CPS1: variants seen among roughly 807,000 people sequenced by gnomAD.
The protein encoded by CPS1 is carbamoyl-phosphate synthase 1, also known as carbamoyl-phosphate synthase [ammonia], mitochondrial.
Under a neutral mutation model 174.6 loss-of-function variants are expected in CPS1, and 109 were observed. The ratio of observed to expected loss-of-function variants is 0.62; its 90% CI spans 0.53 to 0.73. CPS1 has a LOEUF of 0.73. Among genes scored for constraint, CPS1 ranks in the 30% least tolerant of loss-of-function variants. The pLI is 0.00. For missense variants in CPS1, 1,689 were observed against 1,821.9 expected (o/e 0.93, Z 1.33); for synonymous variants, 637 against 632.0 (o/e 1.01, Z -0.12).
intron 1 of CPS1, among the ~76,000 whole-genome samples, chr2:210,526,663 A>G (rs1451238317): frequency 5.9e-5 from 9 of 151,936 alleles, no homozygotes; most frequent in Non-Finnish European, 7.4e-5. Context: ...ATCTATCACA[A>G]GAGCCATAAA....
At chr2:210,556,209 T>A (rs1020572741), upstream of CPS1, among the ~76,000 whole-genome samples, 5 of 152,074 alleles carry the variant, frequency 3.3e-5, no homozygotes, top group Non-Finnish European at 7.4e-5. Flanking sequence ...TTACTTTTTG[T>A]AAAAAGAACA....
intron 21 of CPS1, among the ~76,000 whole-genome samples, chr2:210,624,950 G>GTA (rs1337627637): frequency 6.6e-6 from 1 of 151,922 alleles, no homozygotes; most frequent in Non-Finnish European, 1.5e-5. Context: ...CAGAATATGT[G>GTA]TATATATATC....
intron 6 of CPS1, among the ~76,000 whole-genome samples, chr2:210,584,686 A>G: frequency 6.6e-6 from 1 of 152,094 alleles, no homozygotes; most frequent in East Asian, 1.9e-4. Flanking sequence ...TCTATTTAAA[A>G]TCAAATGTAA....
chr2:210,677,991 C>G lies in CPS1; in HGVS notation c.*6C>G, dbSNP rs557721515. On this transcript the variant is annotated 3_prime_UTR_variant, in exon 38 of 38. Transcript: ENST00000233072. The stretch of plus-strand genomic sequence containing the variant: ...GTGCTGGAAAAGCAGCATAGAGATG[C>G]AGACACCCCAGCCCCATTATTAAAT... 12 of 1,593,260 alleles carry G rather than the reference C, an allele frequency of 7.5e-6. No individual in the cohort carries two copies. The East Asian group carries it at 1.8e-4, about 24-fold the overall frequency.
intron 1 of CPS1, among the ~76,000 whole-genome samples, chr2:210,478,048 A>G (rs1694451910): frequency 6.6e-6 from 1 of 152,192 alleles, no homozygotes; most frequent in South Asian, 2.1e-4. Flanking sequence ...TACTACAAAT[A>G]ATATTCTTGG....
At position 210,483,475 on chromosome 2, in the gene CPS1, G is replaced by C. The variant is rs1003895129; in HGVS notation, c.3+5709G>C. Among the ~76,000 whole-genome samples the C allele has an allele frequency of 6.6e-5, 10 of 152,190 alleles. 1 individual carries two copies. Among genetic ancestry groups the C allele is most frequent in the Admixed American group, 3.3e-4 (5 of 15,282 alleles). ...CTGTTCCAAGGTCACCATCACGTGA[G>C]TGGTGACCCCAGACCTTCTGACTTG... is the stretch of plus-strand genomic sequence containing the variant. On this transcript the variant is annotated intron_variant, in intron 1 of 38. Coordinates refer to the CPS1 transcript ENST00000430249.
At chr2:210,510,293 A>T (rs1165710936) in intron 1 of CPS1, among the ~76,000 whole-genome samples, 1 of 152,202 alleles carries the variant, frequency 6.6e-6, no homozygotes, top group African/African-American at 2.4e-5. Flanking sequence ...TTCCCTATTT[A>T]ATAAATGGTG....
chr2:210,668,075 C>CAT, intron 33 of CPS1, 111 bp from the exon 34 acceptor site: 2 of 446,004 alleles, frequency 4.5e-6, no homozygotes, highest in South Asian at 3.3e-5. Context: ...TTTGTGCGTG[C>CAT]ATGTGTGTGT....
At chr2:210,556,268 G>T, upstream of CPS1, 1 of 441,414 alleles carries the variant, frequency 2.3e-6, no homozygotes, top group Non-Finnish European at 4.6e-6. Context: ...CTTTCTTTGG[G>T]AATCCAAAAT....
chr2:210,482,380 C>A (rs1409467390), intron 1 of CPS1, among the ~76,000 whole-genome samples: 1 of 151,544 alleles, frequency 6.6e-6, no homozygotes, highest in Non-Finnish European at 1.5e-5. Context: ...GATCTCGGCT[C>A]ACTCAGCTCA....
chr2:210,492,563 C>CT (rs1018921200), intron 1 of CPS1, among the ~76,000 whole-genome samples: 120 of 144,252 alleles, frequency 8.3e-4, no homozygotes, highest in Middle Eastern at 6.9e-3. Flanking sequence ...TTAGAAGATA[C>CT]TTTTTTTTTT....
Position 210,663,146 on chromosome 2 carries a change from G to A in CPS1, c.3951G>A (p.Arg1317=). The change falls in exon 33 of 38, where the codon CGG becomes CGA. Residue 1317 remains arginine (R), a synonymous_variant. Transcript: ENST00000233072. ...AIKAPMFSWP[R]LRDADPILRC... ...AGGCTCCCATGTTTTCCTGGCCCCGGTTGAGGGATGCTGACCCCATTCTGA... is the reference window on the plus strand; with the variant it reads ...AGGCTCCCATGTTTTCCTGGCCCCGATTGAGGGATGCTGACCCCATTCTGA... The A allele has an allele frequency of 6.2e-7, 1 of 1,613,214 alleles. No homozygotes were observed.
intron 32 of CPS1, among the ~76,000 whole-genome samples, chr2:210,661,325 G>A (rs2105924022): frequency 6.6e-6 from 1 of 152,248 alleles, no homozygotes; most frequent in Non-Finnish European, 1.5e-5. Context: ...TTAACTACTT[G>A]GCTGGACAGG....
chr2:210,620,810 C>T (rs1159275169), intron 21 of CPS1, among the ~76,000 whole-genome samples: 2 of 152,020 alleles, frequency 1.3e-5, no homozygotes, highest in Non-Finnish European at 2.9e-5. Flanking sequence ...TCCCACCAGT[C>T]CCCATCTCCA....
At position 210,592,957 on chromosome 2, in the gene CPS1, G is replaced by A; in HGVS notation, c.1164+1G>A. ...CACCCCGGGGCCAATAGACACTGAG[G>A]TACGTCAAAAAGATGAGGCCTATTA... On this transcript the variant is annotated splice_donor_variant, in intron 11 of 37. Coordinates refer to ENST00000233072, the MANE Select transcript of CPS1 (RefSeq NM_001875.5). LOFTEE classifies it high-confidence loss of function. 2 of 1,611,292 alleles carry A rather than the reference G, an allele frequency of 1.2e-6. No homozygotes were observed. The highest frequency in any genetic ancestry group is 1.7e-6 in the Non-Finnish European group (2 of 1,178,224).
At chr2:210,589,708 A>G (rs1473206111) in intron 7 of CPS1, among the ~76,000 whole-genome samples, 3 of 151,840 alleles carry the variant, frequency 2.0e-5, no homozygotes, top group Non-Finnish European at 4.4e-5. Flanking sequence ...TGTCCAGCCT[A>G]GAGTGCAATG....
intron 1 of CPS1, among the ~76,000 whole-genome samples, chr2:210,529,706 G>T (rs1696069223): frequency 6.6e-6 from 1 of 151,910 alleles, no homozygotes; most frequent in Non-Finnish European, 1.5e-5. Context: ...CTTCACATTA[G>T]AAGTAGAAAC....
chr2:210,652,307 A>C (rs1700582284), intron 28 of CPS1, among the ~76,000 whole-genome samples: 1 of 152,174 alleles, frequency 6.6e-6, no homozygotes, highest in Admixed American at 6.5e-5. Context: ...AATGAGTTTG[A>C]ATTTTAGTCA....
At chr2:210,609,502 T>C (rs1699034769) in intron 19 of CPS1, among the ~76,000 whole-genome samples, 1 of 151,992 alleles carries the variant, frequency 6.6e-6, no homozygotes, top group South Asian at 2.1e-4. Flanking sequence ...TAATACCCCC[T>C]CTTAATAAAT....
Sources: gnomAD v4.1 joint callset for allele counts (sites outside exome capture counted in the v4.1 genomes callset) on GRCh38, gnomAD v4.1.1 for gene constraint, MANE v1.5 for transcripts, NCBI Gene and HGNC (gene_info 2026-07-23, HGNC 2026-07-21) for gene names.